RAB3GAP1: variants seen among roughly 807,000 people sequenced by gnomAD.
RAB3GAP1 encodes RAB3 GTPase activating protein catalytic subunit 1.
A neutral mutation model predicts 130.7 loss-of-function variants in RAB3GAP1; 86 were observed. The ratio of observed to expected loss-of-function variants is 0.66; its 90% CI spans 0.55 to 0.79. The LOEUF (loss-of-function observed/expected upper bound fraction) is 0.79, where lower values mean the gene tolerates loss of function less well. Ranked by LOEUF, RAB3GAP1 falls within the 30% of genes least tolerant of loss-of-function variation. The pLI is 0.00. For missense variants in RAB3GAP1, 1,029 were observed against 1,169.4 expected (o/e 0.88, Z 1.75); for synonymous variants, 367 against 401.7 (o/e 0.91, Z 1.03).
intron 4 of RAB3GAP1, among the ~76,000 whole-genome samples, 184 bp from the exon 5 acceptor site, chr2:135,093,431 T>C (rs1690201825): frequency 6.6e-6 from 1 of 152,162 alleles, no homozygotes. Flanking sequence ...GCTACTTTTA[T>C]TTGAAGAAAA....
intron 7 of RAB3GAP1, among the ~76,000 whole-genome samples, chr2:135,115,935 C>G (rs959600499): frequency 2.6e-5 from 4 of 152,074 alleles, no homozygotes; most frequent in African/African-American, 9.7e-5. Context: ...CTTGCCTGTG[C>G]TGCTCTGTGG....
At chr2:135,097,466 C>T (rs1317772199) in intron 5 of RAB3GAP1, among the ~76,000 whole-genome samples, 1 of 152,124 alleles carries the variant, frequency 6.6e-6, no homozygotes, top group African/African-American at 2.4e-5. Flanking sequence ...AGTGATCCTC[C>T]CACCTCAGCC....
intron 5 of RAB3GAP1, among the ~76,000 whole-genome samples, chr2:135,102,441 A>C (rs1051822107): frequency 3.9e-5 from 6 of 152,174 alleles, no homozygotes; most frequent in African/African-American, 1.4e-4. Context: ...TAAGTCACCA[A>C]ATTTGTAGTA....
At chr2:135,150,338 T>C in intron 17 of RAB3GAP1, 31 bp from the exon 18 acceptor site, 2 of 1,613,986 alleles carry the variant, frequency 1.2e-6, no homozygotes, top group Non-Finnish European at 1.7e-6. Flanking sequence ...AAAAGGGCTG[T>C]TTATGAGCCT....
At chr2:135,141,937 CATT>C (rs1236097285) in intron 17 of RAB3GAP1, among the ~76,000 whole-genome samples, 2 of 152,104 alleles carry the variant, frequency 1.3e-5, no homozygotes, top group Non-Finnish European at 2.9e-5. Flanking sequence ...GTACTGTCAT[CATT>C]ATTGTAGCTT....
At chr2:135,093,264 G>C (rs140067313) in intron 4 of RAB3GAP1, among the ~76,000 whole-genome samples, 1 of 152,294 alleles carries the variant, frequency 6.6e-6, no homozygotes, top group African/African-American at 2.4e-5. Context: ...ATACAGAGTT[G>C]ACATATCTCT....
chr2:135,092,076 A>G (rs1690158256), intron 4 of RAB3GAP1, among the ~76,000 whole-genome samples: 1 of 152,236 alleles, frequency 6.6e-6, no homozygotes, highest in African/African-American at 2.4e-5. Flanking sequence ...CAAAACAATT[A>G]GATAACATAT....
Position 135,126,669 on chromosome 2 carries a change from A to T in RAB3GAP1, c.973+13A>T. 1 of 1,595,472 alleles carries T rather than the reference A, an allele frequency of 6.3e-7. No homozygotes were observed. Among genetic ancestry groups the T allele is most frequent in the Non-Finnish European group, 8.6e-7 (1 of 1,163,098 alleles). On this transcript the variant is annotated intron_variant, in intron 11 of 23. Transcript: ENST00000264158. ...CAGTGTTTGCTAGGTAAGGTATATT[A>T]TGCTCCTTTCCTGAAATACTGCTGA...
intron 23 of RAB3GAP1, chr2:135,167,818 T>G: frequency 1.0e-6 from 1 of 956,806 alleles, no homozygotes; most frequent in Non-Finnish European, 1.5e-6. Flanking sequence ...TGGATTTGGC[T>G]TACCTACCTT....
chr2:135,057,323 C>G (rs1689041806), intron 2 of RAB3GAP1, among the ~76,000 whole-genome samples: 1 of 152,014 alleles, frequency 6.6e-6, no homozygotes, highest in Non-Finnish European at 1.5e-5. Context: ...ATCGGAATTC[C>G]TAATATATTT....
chr2:135,126,572 T>G lies in RAB3GAP1; in HGVS notation c.900-11T>G. 1 of 1,603,166 alleles carries G rather than the reference T, an allele frequency of 6.2e-7. No individual in the cohort carries two copies. The highest frequency in any genetic ancestry group is 8.5e-7 in the Non-Finnish European group (1 of 1,170,094). ...TAATTAGGATTTTATATTTATTGGTTTGCATTTTAGTGATTTGGATCCTAT... is the reference window on the plus strand; with the variant it reads ...TAATTAGGATTTTATATTTATTGGTGTGCATTTTAGTGATTTGGATCCTAT... On this transcript the variant is annotated splice_polypyrimidine_tract_variant and intron_variant, in intron 10 of 23. Transcript: ENST00000264158.
intron 3 of RAB3GAP1, among the ~76,000 whole-genome samples, chr2:135,064,154 AC>A (rs1388040060): frequency 6.6e-6 from 1 of 152,124 alleles, no homozygotes; most frequent in Non-Finnish European, 1.5e-5. Context: ...CAGCCATCTG[AC>A]TATGATGTGC....
chr2:135,071,532 T>TA lies in RAB3GAP1; in HGVS notation c.150+13460dup, dbSNP rs60734828. Among the ~76,000 whole-genome samples the TA allele has an allele frequency of 1.9e-3, 271 of 141,398 alleles. 2 individuals are homozygous for TA. Among genetic ancestry groups the TA allele is most frequent in the African/African-American group, 4.5e-3 (174 of 38,666 alleles). The allele number at this position is 141,398 out of a possible 152,430, so 92.8% of individuals were successfully genotyped here. A position where few individuals can be genotyped will look rare whatever the true frequency, so the allele number is the denominator to read the frequency against. On this transcript the variant is annotated intron_variant, in intron 3 of 23. Coordinates refer to ENST00000264158, the MANE Select transcript of RAB3GAP1 (RefSeq NM_012233.3). ...ATAATTTACCAAGACAGTCGTAGGT[T>TA]AAAAAAAAAAAAAAGAATTATTAGA...
intron 19 of RAB3GAP1, among the ~76,000 whole-genome samples, chr2:135,155,097 T>C (rs1269192410): frequency 6.6e-6 from 1 of 152,100 alleles, no homozygotes; most frequent in Non-Finnish European, 1.5e-5. Flanking sequence ...CTGAATCAGA[T>C]ATCCTCAAAC....
intron 5 of RAB3GAP1, among the ~76,000 whole-genome samples, chr2:135,109,650 C>T (rs1345449355): frequency 6.6e-6 from 1 of 151,170 alleles, no homozygotes; most frequent in Non-Finnish European, 1.5e-5. Flanking sequence ...GGCGCAATCT[C>T]GGCTCACTGC....
intron 8 of RAB3GAP1, among the ~76,000 whole-genome samples, chr2:135,122,665 A>G (rs1453701744): frequency 6.6e-6 from 1 of 152,152 alleles, no homozygotes; most frequent in Non-Finnish European, 1.5e-5. Flanking sequence ...CATATTTTAT[A>G]TCCCATTTTG....
At chr2:135,103,367 C>G (rs1291906107) in intron 5 of RAB3GAP1, among the ~76,000 whole-genome samples, 3 of 151,848 alleles carry the variant, frequency 2.0e-5, no homozygotes, top group Non-Finnish European at 4.4e-5. Flanking sequence ...TATTTTTTTC[C>G]TGGTAATAGA....
intron 3 of RAB3GAP1, among the ~76,000 whole-genome samples, chr2:135,076,101 A>G (rs1300524601): frequency 6.6e-6 from 1 of 151,762 alleles, no homozygotes; most frequent in Non-Finnish European, 1.5e-5. Context: ...TAGTAGAGAC[A>G]GGGTTTCACA....
intron 3 of RAB3GAP1, among the ~76,000 whole-genome samples, chr2:135,062,309 A>G (rs1052774570): frequency 1.1e-4 from 17 of 152,220 alleles, no homozygotes; most frequent in African/African-American, 3.9e-4. Context: ...TGCATTGTCA[A>G]ATATTTAATA....
Sources: allele counts gnomAD v4.1 joint callset (sites outside exome capture counted in the v4.1 genomes callset), GRCh38; gene constraint gnomAD v4.1.1; transcripts MANE v1.5; gene names NCBI Gene and HGNC (gene_info 2026-07-23, HGNC 2026-07-21).